The following UGGT2 variants were observed in gnomAD, a reference collection of about 807,000 sequenced individuals.
UGGT2 encodes UDP-glucose:glycoprotein glucosyltransferase 2.
A neutral mutation model predicts 192.1 loss-of-function variants in UGGT2; 180 were observed. That is an observed-to-expected ratio of 0.94 (90% CI 0.83 to 1.06). UGGT2 has a LOEUF of 1.06. Among genes scored for constraint, UGGT2 ranks in the 50% least tolerant of loss-of-function variants. The pLI is 0.00. For missense variants in UGGT2, 1,849 were observed against 1,795.7 expected (o/e 1.03, Z -0.54); for synonymous variants, 580 against 591.0 (o/e 0.98, Z 0.27).
rs766461071 is a variant in UGGT2, at chr13:96,053,247, C to T, written c.66G>A (p.Ser22=). 1.3e-6 allele frequency: 2 copies of T among 1,557,970 alleles called. No individual in the cohort carries two copies. The highest frequency in any genetic ancestry group is 1.2e-5 in the South Asian group (1 of 84,812). Reference sequence around the variant, plus strand: ...CGGCGACCGTCCCGGAGCCGAGCTGCGAAAGCCACAGCGCTGTGGAGCCTA... The same window carrying T: ...CGGCGACCGTCCCGGAGCCGAGCTGTGAAAGCCACAGCGCTGTGGAGCCTA... ...LLLGSTALWL[S]QLGSGTVAAS... Residue 22 remains serine, a synonymous_variant, in exon 1 of 39, where the codon TCG becomes TCA. Coordinates refer to ENST00000376747, the MANE Select transcript of UGGT2 (RefSeq NM_020121.4).
rs1393256264 is a variant in UGGT2, at chr13:95,802,889, A to AGTGGT, written c.4529-1082_4529-1078dup. 2.6e-5 allele frequency among the ~76,000 whole-genome samples: 4 copies of AGTGGT among 152,186 alleles called. No individual in the cohort carries two copies. In the East Asian group the frequency reaches 7.7e-4, roughly 29 times the overall value. On this transcript the variant is annotated intron_variant, in intron 38 of 38. Transcript: ENST00000376747. Reference sequence around the variant, plus strand: ...CACTCAGTCGTCCAGGCTGGAGTGCAGTGGTGTGATCTCAGCTCACTGCAA... The same window carrying AGTGGT: ...CACTCAGTCGTCCAGGCTGGAGTGCAGTGGTGTGGTGTGATCTCAGCTCACTGCAA...
intron 35 of UGGT2, 47 bp from the exon 36 acceptor site, chr13:95,853,704 T>C: frequency 1.5e-6 from 2 of 1,378,624 alleles, no homozygotes; most frequent in South Asian, 2.9e-5. Context: ...TTTATGTAGT[T>C]TTAGTTTTAC....
intron 20 of UGGT2, among the ~76,000 whole-genome samples, chr13:95,911,119 C>T (rs185866432): frequency 2.0e-5 from 3 of 152,178 alleles, no homozygotes; most frequent in African/African-American, 7.2e-5. Flanking sequence ...CTACTAAATG[C>T]CTATAAGAGA....
chr13:95,849,318 C>T (rs1354700905), intron 36 of UGGT2, among the ~76,000 whole-genome samples: 2 of 152,064 alleles, frequency 1.3e-5, no homozygotes, highest in South Asian at 2.1e-4. Flanking sequence ...AGGCAGATCA[C>T]GAGTTCAGGA....
intron 4 of UGGT2, among the ~76,000 whole-genome samples, chr13:96,017,159 A>G (rs975324692): frequency 6.6e-6 from 1 of 152,214 alleles, no homozygotes; most frequent in African/African-American, 2.4e-5. Flanking sequence ...TTACAGGCTC[A>G]TAAGTGGAAG....
intron 29 of UGGT2, 134 bp downstream of exon 29, chr13:95,877,145 G>C: frequency 3.0e-6 from 2 of 676,662 alleles, no homozygotes; most frequent in Non-Finnish European, 4.7e-6. Context: ...GCCTACCAAA[G>C]TGTTGGGATT....
At chr13:95,942,222 GTGTGTGT>G (rs2049710142) in intron 15 of UGGT2, among the ~76,000 whole-genome samples, 1 of 78,450 alleles carries the variant, frequency 1.3e-5, no homozygotes, top group Non-Finnish European at 2.5e-5. Flanking sequence ...TAGGGTGAGG[GTGTGTGT>G]GTGTGTGTGT....
At chr13:95,923,334 C>T (rs2140415598) in intron 20 of UGGT2, among the ~76,000 whole-genome samples, 1 of 151,356 alleles carries the variant, frequency 6.6e-6, no homozygotes, top group Non-Finnish European at 1.5e-5. Flanking sequence ...GCTGGGATTA[C>T]AGGCACGAGC....
intron 38 of UGGT2, among the ~76,000 whole-genome samples, chr13:95,815,165 G>A (rs1431972703): frequency 1.3e-5 from 2 of 152,136 alleles, no homozygotes; most frequent in Non-Finnish European, 2.9e-5. Flanking sequence ...ATGAAAAACA[G>A]GCATGGAAGG....
chr13:95,871,088 A>AC (rs1418184339), intron 29 of UGGT2, among the ~76,000 whole-genome samples: 1 of 152,246 alleles, frequency 6.6e-6, no homozygotes, highest in Non-Finnish European at 1.5e-5. Context: ...ACAAAAAATG[A>AC]ATGTGAAAAT....
At chr13:95,818,626 A>G (rs1396209181) in intron 38 of UGGT2, among the ~76,000 whole-genome samples, 1 of 152,166 alleles carries the variant, frequency 6.6e-6, no homozygotes, top group Non-Finnish European at 1.5e-5. Flanking sequence ...ATCTTCCAGA[A>G]GAGCAAGAGC....
chr13:95,809,372 C>T, intron 38 of UGGT2: 1 of 408,740 alleles, frequency 2.4e-6, no homozygotes, highest in Non-Finnish European at 4.8e-6. Context: ...TTTTGTTTCT[C>T]CATTTTCTGC....
In UGGT2 at chr13:95,882,965, A is replaced by AT. The variant is rs999900142; in HGVS notation, c.3228+1525dup. Among the ~76,000 whole-genome samples, 48 of 150,024 alleles carry AT rather than the reference A, an allele frequency of 3.2e-4. No individual in the cohort carries two copies. In the East Asian group the frequency reaches 4.9e-3, roughly 15 times the overall value. ...CTGACTGATCATGGAAAAAACAGCG[A>AT]TTTTTTTTTTCACTTCTTATAAGAT... is the stretch of plus-strand genomic sequence containing the variant. On this transcript the variant is annotated intron_variant, in intron 27 of 38. Transcript: ENST00000376747.
chr13:95,955,526 C>T (rs879614320), intron 12 of UGGT2, among the ~76,000 whole-genome samples: 12 of 152,044 alleles, frequency 7.9e-5, no homozygotes, highest in Non-Finnish European at 1.6e-4. Context: ...TCTGAGTATA[C>T]GAAATGAATA....
chr13:95,971,815 A>C (rs1566777898), intron 11 of UGGT2, among the ~76,000 whole-genome samples: 1 of 152,232 alleles, frequency 6.6e-6, no homozygotes, highest in Non-Finnish European at 1.5e-5. Context: ...AAAAATGTTC[A>C]GTAAAACTAC....
intron 1 of UGGT2, among the ~76,000 whole-genome samples, chr13:96,035,773 A>G (rs2052983723): frequency 6.6e-6 from 1 of 152,250 alleles, no homozygotes; most frequent in Non-Finnish European, 1.5e-5. Context: ...ACTTATCAAA[A>G]TAAAACATTC....
intron 33 of UGGT2, 119 bp downstream of exon 33, chr13:95,859,472 T>C (rs1889944333): frequency 2.4e-6 from 2 of 822,962 alleles, no homozygotes; most frequent in Non-Finnish European, 3.7e-6. Context: ...ATAAAAATAC[T>C]AAATACCATT....
At chr13:95,944,142 T>G (rs188526710) in intron 15 of UGGT2, among the ~76,000 whole-genome samples, 10 of 152,194 alleles carry the variant, frequency 6.6e-5, no homozygotes, top group Admixed American at 4.6e-4. Context: ...GCTGGATTTC[T>G]TTTGTTAATA....
At position 95,985,343 on chromosome 13, in the gene UGGT2, A is replaced by G. The variant is rs536505610; in HGVS notation, c.1031+990T>C. On this transcript the variant is annotated intron_variant, in intron 9 of 38. Transcript: ENST00000376747. Reference sequence around the variant, plus strand: ...TCAATATATTCATTCTTAATCTGTAAATAAGGAAACAAACTCCTTTATTTC... The same window carrying G: ...TCAATATATTCATTCTTAATCTGTAGATAAGGAAACAAACTCCTTTATTTC... 36 of 1,189,342 alleles carry G rather than the reference A, an allele frequency of 3.0e-5. No individual in the cohort carries two copies. In the East Asian group the frequency reaches 1.7e-3, roughly 56 times the overall value. 73.7% of individuals were successfully genotyped at this position (1,189,342 alleles called of 1,614,324 possible).
Sources: gnomAD v4.1 joint callset for allele counts (sites outside exome capture counted in the v4.1 genomes callset) on GRCh38, gnomAD v4.1.1 for gene constraint, MANE v1.5 for transcripts, NCBI Gene and HGNC (gene_info 2026-07-23, HGNC 2026-07-21) for gene names.